ERG: variants seen among roughly 807,000 people sequenced by gnomAD.
ERG encodes ETS transcription factor ERG, also known as transcriptional regulator ERG.
In ERG, 9 loss-of-function variants were observed where a neutral mutation model predicts 55.3. The observed-to-expected ratio is 0.16, with a 90% CI of 0.10 to 0.28. The LOEUF is 0.28. Among genes scored for constraint, ERG ranks in the 10% least tolerant of loss-of-function variants. The pLI is 1.00. For missense variants in ERG, 434 were observed against 631.6 expected (o/e 0.69, Z 3.35); for synonymous variants, 223 against 237.3 (o/e 0.94, Z 0.55).
chr21:38,372,239 TA>T, the ERG span, among the ~76,000 whole-genome samples: 5 of 152,162 alleles, frequency 3.3e-5, no homozygotes, highest in African/African-American at 1.2e-4. Context: ...GTACTCTCAC[TA>T]AAGACAAGAT....
chr21:38,652,346 T>C (rs964495750), intron 1 of ERG, among the ~76,000 whole-genome samples: 9 of 152,214 alleles, frequency 5.9e-5, no homozygotes, highest in African/African-American at 2.2e-4. Flanking sequence ...TGGAATGGTG[T>C]AGATTGCTTT....
intron 1 of ERG, among the ~76,000 whole-genome samples, chr21:38,496,893 A>G (rs746294272): frequency 6.6e-6 from 1 of 152,250 alleles, no homozygotes; most frequent in Non-Finnish European, 1.5e-5. Context: ...AAGCTATTCA[A>G]GATTTACACA....
At chr21:38,643,301 G>A (rs527608228) in intron 1 of ERG, among the ~76,000 whole-genome samples, 1 of 152,290 alleles carries the variant, frequency 6.6e-6, no homozygotes, top group South Asian at 2.1e-4. Flanking sequence ...TTACGGGATG[G>A]TTTAATTGGT....
At chr21:38,405,924 G>A (rs558571574) in intron 3 of ERG, among the ~76,000 whole-genome samples, 2 of 152,134 alleles carry the variant, frequency 1.3e-5, no homozygotes, top group South Asian at 4.1e-4. Flanking sequence ...AGGCCGAGGC[G>A]GGTGGATCAC....
chr21:38,430,963 T>TA (rs35916791), intron 2 of ERG, among the ~76,000 whole-genome samples: 55,881 of 151,800 alleles, frequency 0.37, 10,894 homozygotes, highest in Middle Eastern at 0.46. Flanking sequence ...ATGATGGAAA[T>TA]AAAAAAAACC....
intron 2 of ERG, among the ~76,000 whole-genome samples, chr21:38,546,321 T>C (rs376509071): frequency 6.6e-6 from 1 of 152,340 alleles, no homozygotes; most frequent in East Asian, 1.9e-4. Context: ...TTCCCTTTAC[T>C]GTCAAACACA....
At chr21:38,436,167 A>ATT (rs34522738) in intron 2 of ERG, among the ~76,000 whole-genome samples, 26 of 149,236 alleles carry the variant, frequency 1.7e-4, no homozygotes, top group Non-Finnish European at 2.1e-4. Flanking sequence ...CACCTGGCTA[A>ATT]TTTTTTTTTT....
At chr21:38,629,744 AC>A (rs2060346179) in intron 1 of ERG, among the ~76,000 whole-genome samples, 1 of 152,194 alleles carries the variant, frequency 6.6e-6, no homozygotes, top group Non-Finnish European at 1.5e-5. Context: ...CAGCAATTAT[AC>A]TTCTGGGTAT....
At chr21:38,581,629 C>T (rs2060029194) in intron 1 of ERG, among the ~76,000 whole-genome samples, 1 of 152,108 alleles carries the variant, frequency 6.6e-6, no homozygotes, top group African/African-American at 2.4e-5. Flanking sequence ...CCCCAGTGGC[C>T]AGTGATTTAA....
intron 2 of ERG, among the ~76,000 whole-genome samples, chr21:38,436,017 T>C (rs1025250689): frequency 9.7e-6 from 1 of 102,934 alleles, no homozygotes; most frequent in Non-Finnish European, 2.0e-5. Context: ...ACTTTCTTTT[T>C]TTCTTTTTTT....
intron 1 of ERG, among the ~76,000 whole-genome samples, chr21:38,590,276 G>A (rs753695935): frequency 1.3e-5 from 2 of 152,130 alleles, no homozygotes; most frequent in Non-Finnish European, 2.9e-5. Flanking sequence ...TACCAAAGAT[G>A]CAGCAACAGA....
chr21:38,557,357 T>C (rs1186683153), intron 2 of ERG, among the ~76,000 whole-genome samples: 1 of 152,180 alleles, frequency 6.6e-6, no homozygotes, highest in Non-Finnish European at 1.5e-5. Flanking sequence ...TATTTTAGAA[T>C]AAAATGGAAA....
chr21:38,551,761 G>A (rs1404837350), intron 2 of ERG, among the ~76,000 whole-genome samples: 1 of 152,102 alleles, frequency 6.6e-6, no homozygotes, highest in Non-Finnish European at 1.5e-5. Flanking sequence ...ATAGCCAAGT[G>A]CGTAGTCAAT....
Position 38,581,379 on chromosome 21 carries a change from T to C in ERG, c.-127+3465A>G, listed in dbSNP as rs191742939. 1.6e-4 allele frequency among the ~76,000 whole-genome samples: 24 copies of C among 152,346 alleles called. No individual in the cohort carries two copies. The East Asian group carries it at 4.6e-3, about 29-fold the overall frequency. On this transcript the variant is annotated intron_variant, in intron 1 of 8. Coordinates refer to the ERG transcript ENST00000398897. ...CAATGAGGATAATATTACTGTAGTATAATAAGAACTCCATTTGCCCTTGTC... is the reference window on the plus strand; with the variant it reads ...CAATGAGGATAATATTACTGTAGTACAATAAGAACTCCATTTGCCCTTGTC...
chr21:38,434,858 T>C (rs962803477), intron 2 of ERG, among the ~76,000 whole-genome samples: 1 of 152,242 alleles, frequency 6.6e-6, no homozygotes, highest in African/African-American at 2.4e-5. Context: ...GGTGTAAATG[T>C]GAGGCTTTTT....
intron 1 of ERG, among the ~76,000 whole-genome samples, chr21:38,446,494 T>C (rs752512883): frequency 5.3e-5 from 8 of 152,134 alleles, no homozygotes; most frequent in Non-Finnish European, 1.2e-4. Flanking sequence ...GTTTGGGAAA[T>C]TTCAACGACT....
chr21:38,408,379 G>A (rs185740512), intron 3 of ERG, among the ~76,000 whole-genome samples: 55 of 152,234 alleles, frequency 3.6e-4, no homozygotes, highest in African/African-American at 1.1e-3. Context: ...CACCCACAGC[G>A]TGAAGGACTA....
intron 1 of ERG, among the ~76,000 whole-genome samples, chr21:38,450,547 T>TCACA (rs1436541333): frequency 6.6e-6 from 1 of 152,172 alleles, no homozygotes; most frequent in South Asian, 2.1e-4. Flanking sequence ...TACAAAACCC[T>TCACA]TCCTTAAATT....
At chr21:38,436,429 C>T (rs936808089) in intron 2 of ERG, among the ~76,000 whole-genome samples, 1 of 152,158 alleles carries the variant, frequency 6.6e-6, no homozygotes, top group Non-Finnish European at 1.5e-5. Flanking sequence ...CACTGCTTGT[C>T]TGACACGTGG....
Sources: allele counts gnomAD v4.1 joint callset (sites outside exome capture counted in the v4.1 genomes callset), GRCh38; gene constraint gnomAD v4.1.1; transcripts MANE v1.5; gene names NCBI Gene and HGNC (gene_info 2026-07-23, HGNC 2026-07-21).